The following SYNE2 variants were observed in gnomAD, a reference collection of about 807,000 sequenced individuals.
SYNE2 encodes spectrin repeat containing nuclear envelope protein 2, also known as nesprin-2.
A neutral mutation model predicts 856.3 loss-of-function variants in SYNE2; 431 were observed. The ratio of observed to expected loss-of-function variants is 0.50; its 90% CI spans 0.47 to 0.55. SYNE2 has a LOEUF of 0.55. Among genes scored for constraint, SYNE2 ranks in the 20% least tolerant of loss-of-function variants. SYNE2 has a pLI of 0.00. For synonymous variants in SYNE2, 2,923 were observed against 2,872.3 expected (o/e 1.02, Z -0.56); for missense variants, 8,129 against 8,023.2 (o/e 1.01, Z -0.50).
At chr14:64,046,084 A>G (rs1427057983) in intron 45 of SYNE2, among the ~76,000 whole-genome samples, 1 of 152,228 alleles carries the variant, frequency 6.6e-6, no homozygotes, top group Non-Finnish European at 1.5e-5. Flanking sequence ...ATATAAAGTA[A>G]CCTGAAAATA....
At chr14:63,818,837 T>C (rs535577732) in intron 1 of SYNE2, among the ~76,000 whole-genome samples, 1 of 151,660 alleles carries the variant, frequency 6.6e-6, no homozygotes, top group Admixed American at 6.6e-5. Flanking sequence ...CAGCTGGTAA[T>C]ACAGGCACCC....
At chr14:63,792,029 G>C (rs1326080961) in intron 1 of SYNE2, among the ~76,000 whole-genome samples, 1 of 151,870 alleles carries the variant, frequency 6.6e-6, no homozygotes, top group East Asian at 1.9e-4. Context: ...GCAAAAGAAG[G>C]CAGTAACATT....
intron 52 of SYNE2, 99 bp from the exon 53 acceptor site, chr14:64,073,869 C>A: frequency 7.8e-7 from 1 of 1,280,712 alleles, no homozygotes; most frequent in Non-Finnish European, 1.1e-6. Context: ...CCTTTAGTAG[C>A]TATTCAGGCA....
rs1431754985 is a variant in SYNE2, at chr14:64,175,022, A to G, written c.17314A>G (p.Thr5772Ala). ...LEAGEKLLLT[T>A]DLKTKESVGR... is the part of the protein sequence containing the mutation. ...AGCTGGAGAAAAGTTACTGCTCACA[A>G]CTGACCTGAAAACTAAAGAGTCTGT... The change falls in exon 95 of 116, where the codon ACT becomes GCT. Residue 5772 changes from threonine to alanine, a missense_variant. Transcript: ENST00000555002. 6.2e-7 allele frequency: 1 copy of G among 1,614,062 alleles called. No individual in the cohort carries two copies. The highest frequency in any genetic ancestry group is 2.2e-5 in the East Asian group (1 of 44,892).
intron 1 of SYNE2, among the ~76,000 whole-genome samples, chr14:63,862,228 A>T (rs1893928788): frequency 6.6e-6 from 1 of 152,198 alleles, no homozygotes. Context: ...ATAAAACAAA[A>T]CAACAGTTGG....
intron 1 of SYNE2, among the ~76,000 whole-genome samples, chr14:63,885,794 C>A (rs112042306): frequency 0.033 from 4,948 of 152,170 alleles, 284 homozygotes; most frequent in African/African-American, 0.11. Context: ...TAGCTATATA[C>A]GCATTCAACA....
Position 63,981,082 on chromosome 14 carries a change from A to G in SYNE2, c.1745A>G (p.Gln582Arg). Residue 582 changes from glutamine to arginine, a missense_variant, in exon 16 of 116, where the codon CAA (glutamine) becomes CGA (arginine). Around this residue, in one of 3 missense-constraint regions of SYNE2, gnomAD observed 2,422 missense variants for 2,357.4 expected, o/e 1.03. Coordinates refer to ENST00000555002, the MANE Select transcript of SYNE2 (RefSeq NM_182914.3). ...KNIYNVKSTL[Q>R]KVLACWATYV... ...ATATATAATGTGAAGTCCACTCTAC[A>G]AAAAGTGCTGGCATGTTGGGCTACT... The G allele has an allele frequency of 6.2e-7, 1 of 1,612,908 alleles. No homozygotes were observed. Among genetic ancestry groups the G allele is most frequent in the East Asian group, 2.2e-5 (1 of 44,836 alleles).
At chr14:64,153,590 GA>G (rs1285745570) in intron 85 of SYNE2, among the ~76,000 whole-genome samples, 2 of 152,160 alleles carry the variant, frequency 1.3e-5, no homozygotes, top group Non-Finnish European at 2.9e-5. Flanking sequence ...GAATGTAGCA[GA>G]AAAATAGAGA....
chr14:63,905,725 G>T (rs566263907), intron 1 of SYNE2, among the ~76,000 whole-genome samples: 1 of 152,268 alleles, frequency 6.6e-6, no homozygotes, highest in African/African-American at 2.4e-5. Flanking sequence ...TCTAGGTATA[G>T]AATCATATCA....
intron 94 of SYNE2, among the ~76,000 whole-genome samples, chr14:64,170,924 ATAATT>A (rs2098407562): frequency 1.3e-5 from 2 of 152,206 alleles, no homozygotes; most frequent in African/African-American, 2.4e-5. Context: ...ATAGTCGATA[ATAATT>A]TAATTATATA....
Position 63,991,094 on chromosome 14 carries a change from T to C in SYNE2, c.2625T>C (p.Gly875=), listed in dbSNP as rs756852915. The change falls in exon 21 of 116, where the codon GGT becomes GGC. Residue 875 remains glycine (G), a synonymous_variant. Coordinates refer to ENST00000555002, the MANE Select transcript of SYNE2 (RefSeq NM_182914.3). ...QQLLGQRESP[G]ELISKHKEAL... is the part of the protein sequence containing the mutation. ...TACTGGGGCAAAGAGAGAGCCCCGG[T>C]GAACTCATTTCAAAACACAAGGTGG... 1 of 1,614,100 alleles carries C rather than the reference T, an allele frequency of 6.2e-7. No individual in the cohort carries two copies. Among genetic ancestry groups the C allele is most frequent in the Non-Finnish European group, 8.5e-7 (1 of 1,179,964 alleles).
intron 96 of SYNE2, among the ~76,000 whole-genome samples, chr14:64,183,353 C>T (rs1322991049): frequency 1.4e-5 from 2 of 146,142 alleles, no homozygotes; most frequent in Non-Finnish European, 3.0e-5. Context: ...ACATCTCAGA[C>T]GATGGGCGGC....
upstream of SYNE2, among the ~76,000 whole-genome samples, chr14:63,850,810 C>G (rs1890383829): frequency 6.6e-6 from 1 of 152,116 alleles, no homozygotes; most frequent in Non-Finnish European, 1.5e-5. Flanking sequence ...TCAACAAGGG[C>G]TTGTAACATA....
intron 68 of SYNE2, among the ~76,000 whole-genome samples, chr14:64,121,680 A>C (rs1267448592): frequency 1.3e-5 from 2 of 152,208 alleles, no homozygotes; most frequent in Non-Finnish European, 2.9e-5. Flanking sequence ...GGGACACCAT[A>C]ACTTTGCTCC....
intron 1 of SYNE2, among the ~76,000 whole-genome samples, chr14:63,870,107 C>G (rs977372826): frequency 6.6e-6 from 1 of 152,156 alleles, no homozygotes; most frequent in Non-Finnish European, 1.5e-5. Flanking sequence ...AGAATATAGT[C>G]TGAACACTTG....
chr14:64,088,562 G>A (rs958645235), intron 58 of SYNE2, among the ~76,000 whole-genome samples: 2 of 152,198 alleles, frequency 1.3e-5, no homozygotes, highest in African/African-American at 4.8e-5. Context: ...TGTGAGCACA[G>A]GAGTTTGAGA....
At chr14:63,968,709 A>G (rs1476977060) in intron 11 of SYNE2, among the ~76,000 whole-genome samples, 1 of 152,186 alleles carries the variant, frequency 6.6e-6, no homozygotes, top group Non-Finnish European at 1.5e-5. Flanking sequence ...TTTAATTTTT[A>G]TGGGTACATA....
chr14:64,149,956 C>T (rs1007244324), intron 84 of SYNE2, among the ~76,000 whole-genome samples: 4 of 149,254 alleles, frequency 2.7e-5, no homozygotes, highest in African/African-American at 9.9e-5. Context: ...GCAACCCCAC[C>T]GTGTGTGGTT....
At chr14:64,035,868 ATTTTTTT>A (rs547061262) in intron 45 of SYNE2, among the ~76,000 whole-genome samples, 1 of 130,220 alleles carries the variant, frequency 7.7e-6, no homozygotes, top group Non-Finnish European at 1.7e-5. Flanking sequence ...TAATTTTTGT[ATTTTTTT>A]TTTTTTTTTG....
Sources: allele counts gnomAD v4.1 joint callset (sites outside exome capture counted in the v4.1 genomes callset), GRCh38; gene constraint gnomAD v4.1.1; regional missense constraint gnomAD v4.1.1; transcripts MANE v1.5; gene names NCBI Gene and HGNC (gene_info 2026-07-23, HGNC 2026-07-21).